ZBTB7C: variants seen among roughly 807,000 people sequenced by gnomAD.
The protein encoded by ZBTB7C is zinc finger and BTB domain-containing protein 7C.
In ZBTB7C, 8 loss-of-function variants were observed where a neutral mutation model predicts 25.7. The observed-to-expected ratio is 0.31, with a 90% CI of 0.18 to 0.56. ZBTB7C has a LOEUF of 0.56. Among genes scored for constraint, ZBTB7C ranks in the 20% least tolerant of loss-of-function variants. ZBTB7C has a pLI of 0.91. For missense variants in ZBTB7C, 824 were observed against 855.2 expected (o/e 0.96, Z 0.46); for synonymous variants, 394 against 369.0 (o/e 1.07, Z -0.78).
rs568441327 is a variant in ZBTB7C, at chr18:48,391,941, T to C, written c.-304+17285A>G. On this transcript the variant is annotated intron_variant, in intron 1 of 4. Transcript: ENST00000590800. ...AAGAAGTTAAAATTCTTACAGCTTTTCAGTTGTCCCGGCCACAACTGTCAT... is the reference window on the plus strand; with the variant it reads ...AAGAAGTTAAAATTCTTACAGCTTTCCAGTTGTCCCGGCCACAACTGTCAT... Among the ~76,000 whole-genome samples the C allele has an allele frequency of 2.6e-5, 4 of 152,378 alleles. No homozygotes were observed. The South Asian group carries it at 8.3e-4, about 32-fold the overall frequency.
At chr18:48,355,166 C>T (rs934090144) in intron 1 of ZBTB7C, among the ~76,000 whole-genome samples, 3 of 152,160 alleles carry the variant, frequency 2.0e-5, no homozygotes, top group African/African-American at 7.2e-5. Flanking sequence ...TGGTTTATAA[C>T]ATGAGCCTCT....
In ZBTB7C at chr18:48,395,712, G is replaced by T. The variant is rs141116876; in HGVS notation, c.-304+13514C>A. Among the ~76,000 whole-genome samples, 5 of 152,282 alleles carry T rather than the reference G, an allele frequency of 3.3e-5. No homozygotes were observed. The East Asian group carries it at 9.6e-4, about 29-fold the overall frequency. On this transcript the variant is annotated intron_variant, in intron 1 of 4. Coordinates refer to ENST00000590800, the MANE Select transcript of ZBTB7C (RefSeq NM_001318841.2). The stretch of plus-strand genomic sequence containing the variant: ...TCCCCATACAAAAATGTGTCCTTTT[G>T]TGGTGAAACTACTTCCCACCTGGAG...
chr18:48,055,720 G>T (rs191316405), intron 3 of ZBTB7C, among the ~76,000 whole-genome samples: 2 of 152,238 alleles, frequency 1.3e-5, no homozygotes, highest in East Asian at 3.9e-4. Flanking sequence ...AGGAAGAATA[G>T]TTCACCTGAT....
chr18:48,070,190 G>A (rs960086443), intron 3 of ZBTB7C, among the ~76,000 whole-genome samples: 7 of 152,152 alleles, frequency 4.6e-5, no homozygotes, highest in Admixed American at 2.6e-4. Flanking sequence ...TCTGTGTGCC[G>A]GGCATTGCTA....
chr18:48,189,513 G>T (rs1326750388), intron 2 of ZBTB7C, among the ~76,000 whole-genome samples: 1 of 152,098 alleles, frequency 6.6e-6, no homozygotes, highest in East Asian at 1.9e-4. Flanking sequence ...GCAAAACAAG[G>T]GAGTGGTCTC....
At chr18:48,218,275 CT>C (rs1160016189) in intron 2 of ZBTB7C, among the ~76,000 whole-genome samples, 1 of 152,230 alleles carries the variant, frequency 6.6e-6, no homozygotes, top group Non-Finnish European at 1.5e-5. Context: ...GACAATGGTG[CT>C]GCAAAGGGCC....
At chr18:48,407,873 G>A (rs2048317507) in intron 1 of ZBTB7C, among the ~76,000 whole-genome samples, 3 of 151,958 alleles carry the variant, frequency 2.0e-5, no homozygotes, top group Admixed American at 2.0e-4. Flanking sequence ...GCCCGCTCTG[G>A]GAATAATGAT....
At chr18:48,280,026 A>T (rs1474934210) in intron 2 of ZBTB7C, among the ~76,000 whole-genome samples, 2 of 152,222 alleles carry the variant, frequency 1.3e-5, no homozygotes, top group Non-Finnish European at 2.9e-5. Context: ...TGTGCCAGGC[A>T]CTGTGCAAGG....
At chr18:48,154,626 A>G (rs2144909635) in intron 3 of ZBTB7C, among the ~76,000 whole-genome samples, 1 of 152,354 alleles carries the variant, frequency 6.6e-6, no homozygotes. Flanking sequence ...TGAAAGCAAT[A>G]TAGACACCTT....
chr18:48,237,326 G>T (rs1432480409), intron 2 of ZBTB7C, among the ~76,000 whole-genome samples: 1 of 145,040 alleles, frequency 6.9e-6, no homozygotes, highest in Non-Finnish European at 1.5e-5. Flanking sequence ...ACCATTGTGA[G>T]GAGAAGAATG....
At chr18:48,167,090 C>T (rs1400918114) in intron 3 of ZBTB7C, among the ~76,000 whole-genome samples, 5 of 152,194 alleles carry the variant, frequency 3.3e-5, no homozygotes, top group Non-Finnish European at 7.3e-5. Flanking sequence ...AATGGCCATC[C>T]GGAGGTAGTC....
At chr18:48,132,849 A>G (rs924757801) in intron 3 of ZBTB7C, among the ~76,000 whole-genome samples, 3 of 152,234 alleles carry the variant, frequency 2.0e-5, no homozygotes, top group Admixed American at 6.5e-5. Flanking sequence ...CAAGAAAGCA[A>G]TAGCCCTGCA....
chr18:48,411,333 A>G (rs934728391), upstream of ZBTB7C, among the ~76,000 whole-genome samples: 45 of 152,238 alleles, frequency 3.0e-4, no homozygotes, highest in Admixed American at 2.5e-3. Flanking sequence ...AGGATAGTCT[A>G]TCGTGGAACC....
At chr18:48,245,314 G>A (rs1167949619) in intron 2 of ZBTB7C, among the ~76,000 whole-genome samples, 1 of 149,972 alleles carries the variant, frequency 6.7e-6, no homozygotes, top group Non-Finnish European at 1.5e-5. Context: ...GGACTCTGGG[G>A]ACTTGGGAAG....
At chr18:48,207,571 A>G (rs1220692451) in intron 2 of ZBTB7C, among the ~76,000 whole-genome samples, 4 of 48,646 alleles carry the variant, frequency 8.2e-5, no homozygotes. Flanking sequence ...ACTGCCTATC[A>G]TCTATCTATC....
intron 2 of ZBTB7C, among the ~76,000 whole-genome samples, chr18:48,326,596 TC>T (rs1204764933): frequency 5.1e-5 from 6 of 117,026 alleles, no homozygotes; most frequent in African/African-American, 1.7e-4. Flanking sequence ...TACAGAGCAA[TC>T]AAAAAAAAAA....
At chr18:48,179,910 C>CTTCCT (rs1345665806) in intron 3 of ZBTB7C, among the ~76,000 whole-genome samples, 4 of 135,986 alleles carry the variant, frequency 2.9e-5, no homozygotes, top group Admixed American at 7.2e-5. Context: ...TCCTTCCTTC[C>CTTCCT]TCCCTTCCTT....
rs1487392439 is a variant in ZBTB7C, at chr18:48,068,484, G to A, written c.-16-27361C>T. On this transcript the variant is annotated intron_variant, in intron 3 of 4. Transcript: ENST00000590800. ...CCCAGGCTACACATCAGACACCTCA[G>A]AAGCTGTTAAAAAAAAAACAACAAA... Among the ~76,000 whole-genome samples, 4 of 145,880 alleles carry A rather than the reference G, an allele frequency of 2.7e-5. No homozygotes were observed. In the South Asian group the frequency reaches 6.4e-4, roughly 23 times the overall value.
At position 48,029,117 on chromosome 18, in the gene ZBTB7C, C is replaced by G. The variant is rs991677219; in HGVS notation, c.*143G>C. On this transcript the variant is annotated 3_prime_UTR_variant, in exon 5 of 5. Coordinates refer to ENST00000590800, the MANE Select transcript of ZBTB7C (RefSeq NM_001318841.2). ...GCTGCTTTAGGAGCCCGGGAAAATG[C>G]CATCACTGATAGTATTATTATTATT... 6 of 1,190,988 alleles carry G rather than the reference C, an allele frequency of 5.0e-6. No homozygotes were observed. In the African/African-American group the frequency reaches 9.8e-5, roughly 20 times the overall value. The allele number at this position is 1,190,988 out of a possible 1,614,324, so 73.8% of individuals were successfully genotyped here. A position where few individuals can be genotyped will look rare whatever the true frequency, so the allele number is the denominator to read the frequency against.
Sources: allele counts gnomAD v4.1 joint callset (sites outside exome capture counted in the v4.1 genomes callset), GRCh38; gene constraint gnomAD v4.1.1; transcripts MANE v1.5; gene names NCBI Gene and HGNC (gene_info 2026-07-23, HGNC 2026-07-21).